Variants in GLIS3 observed in about 807,000 individuals in gnomAD.
GLIS3 encodes the protein zinc finger protein GLIS3.
A neutral mutation model predicts 78.6 loss-of-function variants in GLIS3; 53 were observed. The observed-to-expected ratio is 0.67, with a 90% CI of 0.54 to 0.85. The LOEUF (loss-of-function observed/expected upper bound fraction) is 0.85. Among genes scored for constraint, GLIS3 ranks in the 40% least tolerant of loss-of-function variants. The probability of loss-of-function intolerance (pLI) is 0.00; values close to 1 mark genes in which losing one functional copy is unlikely to be tolerated. For missense variants in GLIS3, 1,703 were observed against 1,231.1 expected (o/e 1.38, Z -5.74); for synonymous variants, 684 against 509.9 (o/e 1.34, Z -4.60).
the GLIS3 span, among the ~76,000 whole-genome samples, chr9:4,406,472 C>G: frequency 2.6e-5 from 4 of 152,162 alleles, no homozygotes; most frequent in Admixed American, 1.3e-4. Context: ...AGGCACCCAC[C>G]ACCAGGCCTG....
chr9:4,351,204 C>G (rs1235203258), upstream of GLIS3, among the ~76,000 whole-genome samples: 1 of 152,092 alleles, frequency 6.6e-6, no homozygotes. Flanking sequence ...GATCAGGCCA[C>G]TGCACTCCAG....
At chr9:4,256,943 C>A (rs994193802) in intron 2 of GLIS3, among the ~76,000 whole-genome samples, 3 of 152,158 alleles carry the variant, frequency 2.0e-5, no homozygotes, top group Admixed American at 6.5e-5. Context: ...ATTGAAACAA[C>A]TGAAATGTCC....
chr9:4,093,178 C>T (rs1322877224), intron 4 of GLIS3, among the ~76,000 whole-genome samples: 2 of 152,006 alleles, frequency 1.3e-5, no homozygotes, highest in African/African-American at 4.8e-5. Flanking sequence ...GGCCTCACAG[C>T]CTGTAAGTGG....
At chr9:4,142,356 T>C (rs567356450) in intron 2 of GLIS3, among the ~76,000 whole-genome samples, 30 of 152,286 alleles carry the variant, frequency 2.0e-4, no homozygotes, top group African/African-American at 7.2e-4. Context: ...TAACACATAA[T>C]AAACAACATA....
chr9:4,386,335 G>A, the GLIS3 span: 1 of 151,864 alleles, frequency 6.6e-6, no homozygotes, highest in African/African-American at 2.4e-5. Flanking sequence ...GTGTAGCCAG[G>A]AATATTTTTA....
chr9:4,347,515 G>C (rs938140234), intron 1 of GLIS3, among the ~76,000 whole-genome samples: 5 of 152,186 alleles, frequency 3.3e-5, no homozygotes, highest in African/African-American at 1.2e-4. Context: ...TCCAGATCAA[G>C]TGAATCAGAA....
chr9:3,949,635 A>G (rs1047895570), intron 4 of GLIS3, among the ~76,000 whole-genome samples: 40 of 152,198 alleles, frequency 2.6e-4, no homozygotes, highest in African/African-American at 9.2e-4. Flanking sequence ...CTTCAAAGTA[A>G]CTTTACTGGT....
chr9:4,307,676 G>C (rs1817263700), intron 4 of GLIS3, among the ~76,000 whole-genome samples: 1 of 152,166 alleles, frequency 6.6e-6, no homozygotes, highest in Non-Finnish European at 1.5e-5. Context: ...AGACTATCCT[G>C]GACTGTGGAA....
chr9:4,159,509 A>C (rs1375988005), intron 2 of GLIS3, among the ~76,000 whole-genome samples: 9 of 152,180 alleles, frequency 5.9e-5, no homozygotes, highest in Non-Finnish European at 2.9e-5. Flanking sequence ...ACTTGAGGTG[A>C]GGAGTTTGAG....
intron 2 of GLIS3, among the ~76,000 whole-genome samples, chr9:4,216,610 C>T (rs887555079): frequency 2.6e-4 from 40 of 151,842 alleles, no homozygotes; most frequent in African/African-American, 8.5e-4. Context: ...AGCCAATGTT[C>T]GGCTGCCATT....
the GLIS3 span, among the ~76,000 whole-genome samples, chr9:4,456,013 C>T: frequency 6.6e-6 from 1 of 152,012 alleles, no homozygotes; most frequent in Non-Finnish European, 1.5e-5. Context: ...GAGGCTGAGG[C>T]AGGAGAATGG....
At chr9:4,110,910 G>C (rs1831160243) in intron 4 of GLIS3, among the ~76,000 whole-genome samples, 1 of 152,176 alleles carries the variant, frequency 6.6e-6, no homozygotes, top group South Asian at 2.1e-4. Flanking sequence ...AAATAAATGT[G>C]TTTGGTCTTT....
At chr9:3,901,122 C>G (rs1433432000) in intron 6 of GLIS3, 4 of 152,850 alleles carry the variant, frequency 2.6e-5, no homozygotes, top group African/African-American at 9.7e-5. Context: ...AAGACTGCCC[C>G]AACTGTAACC....
At chr9:4,328,060 T>G (rs1193539493) in intron 2 of GLIS3, among the ~76,000 whole-genome samples, 3 of 152,190 alleles carry the variant, frequency 2.0e-5, no homozygotes, top group Non-Finnish European at 4.4e-5. Flanking sequence ...TCACTGTTAT[T>G]AGGGCTGGCA....
intron 2 of GLIS3, among the ~76,000 whole-genome samples, chr9:4,332,425 A>G (rs368458520): frequency 4.6e-5 from 7 of 152,334 alleles, no homozygotes; most frequent in African/African-American, 1.4e-4. Context: ...TGCCTTCCTT[A>G]TAGCTGAGTA....
At chr9:4,049,217 C>G (rs940932487) in intron 4 of GLIS3, among the ~76,000 whole-genome samples, 1 of 151,290 alleles carries the variant, frequency 6.6e-6, no homozygotes, top group Non-Finnish European at 1.5e-5. Context: ...GAGCTTCAGC[C>G]AGTGTACTGC....
intron 2 of GLIS3, among the ~76,000 whole-genome samples, chr9:4,259,392 G>T (rs1436383640): frequency 6.6e-6 from 1 of 152,010 alleles, no homozygotes; most frequent in African/African-American, 2.4e-5. Flanking sequence ...TCCTCCCCAT[G>T]AAAAACACTG....
At chr9:4,413,003 T>C in the GLIS3 span, among the ~76,000 whole-genome samples, 1 of 152,238 alleles carries the variant, frequency 6.6e-6, no homozygotes, top group Admixed American at 6.5e-5. Context: ...TTAATATGAA[T>C]AAGAAACTTC....
chr9:4,471,497 A>C, the GLIS3 span, among the ~76,000 whole-genome samples: 2,059 of 152,280 alleles, frequency 0.014, 40 homozygotes, highest in African/African-American at 0.047. Context: ...CAAAAACAAG[A>C]AATGGGGAAA....
Sources: gnomAD v4.1 joint callset for allele counts (sites outside exome capture counted in the v4.1 genomes callset) on GRCh38, gnomAD v4.1.1 for gene constraint, MANE v1.5 for transcripts, NCBI Gene and HGNC (gene_info 2026-07-23, HGNC 2026-07-21) for gene names.